The following FAM81A variants were observed in gnomAD, a reference collection of about 807,000 sequenced individuals.
The protein encoded by FAM81A is protein FAM81A.
Under a neutral mutation model 46.7 loss-of-function variants are expected in FAM81A, and 19 were observed. That is an observed-to-expected ratio of 0.41 (90% CI 0.28 to 0.60). The LOEUF is 0.60. FAM81A is among the 20% of genes least tolerant of loss of function. The pLI, the probability that FAM81A is intolerant of heterozygous loss-of-function variation, is 0.34. For synonymous variants in FAM81A, 183 were observed against 152.9 expected (o/e 1.20, Z -1.45); for missense variants, 377 against 453.5 (o/e 0.83, Z 1.53).
At chr15:59,439,302 G>A (rs1341353124) in intron 1 of FAM81A, among the ~76,000 whole-genome samples, 2 of 151,852 alleles carry the variant, frequency 1.3e-5, no homozygotes, top group Non-Finnish European at 1.5e-5. Context: ...GAGGTTTGTA[G>A]AGTAAATATA....
chr15:59,480,334 T>C (rs2141710820), intron 3 of FAM81A, among the ~76,000 whole-genome samples: 1 of 152,292 alleles, frequency 6.6e-6, no homozygotes, highest in East Asian at 1.9e-4. Context: ...CATGGAGAGC[T>C]GTTTCTTTCC....
At chr15:59,467,685 T>C (rs995932696) in intron 3 of FAM81A, among the ~76,000 whole-genome samples, 16 of 152,214 alleles carry the variant, frequency 1.1e-4, no homozygotes, top group Non-Finnish European at 2.2e-4. Flanking sequence ...CATTTTCTAA[T>C]TGAACACCCT....
At chr15:59,503,974 A>T (rs1258366838) in intron 4 of FAM81A, among the ~76,000 whole-genome samples, 4 of 152,182 alleles carry the variant, frequency 2.6e-5, no homozygotes, top group Non-Finnish European at 5.9e-5. Context: ...GCTTCAGAAT[A>T]CTTTTGAGAC....
chr15:59,463,765 C>G (rs868383337), intron 3 of FAM81A, among the ~76,000 whole-genome samples: 2 of 151,816 alleles, frequency 1.3e-5, no homozygotes, highest in Non-Finnish European at 2.9e-5. Flanking sequence ...ATTACTGTGT[C>G]TGATTGTTCA....
intron 1 of FAM81A, 111 bp from the exon 2 acceptor site, chr15:59,458,437 CTT>C (rs1386419824): frequency 4.6e-6 from 3 of 654,372 alleles, no homozygotes; most frequent in Non-Finnish European, 7.8e-6. Flanking sequence ...AATAATATAA[CTT>C]ATCAGTGTTT....
intron 3 of FAM81A, among the ~76,000 whole-genome samples, chr15:59,477,998 T>G (rs1406900997): frequency 3.3e-5 from 5 of 152,230 alleles, no homozygotes; most frequent in African/African-American, 1.2e-4. Context: ...TATACATGTC[T>G]GGGTTATCCA....
At chr15:59,406,254 A>G (rs2081094485) in intron 2 of FAM81A, among the ~76,000 whole-genome samples, 1 of 152,232 alleles carries the variant, frequency 6.6e-6, no homozygotes, top group African/African-American at 2.4e-5. Context: ...TTTCTAAGGT[A>G]AAATAAAATG....
chr15:59,432,563 G>A (rs1267819623), intron 2 of FAM81A, among the ~76,000 whole-genome samples: 3 of 152,188 alleles, frequency 2.0e-5, no homozygotes, highest in Non-Finnish European at 4.4e-5. Flanking sequence ...AGGCACAGCT[G>A]TGACATCAGA....
chr15:59,410,056 C>T (rs1325124991), intron 2 of FAM81A, among the ~76,000 whole-genome samples: 1 of 152,034 alleles, frequency 6.6e-6, no homozygotes, highest in Non-Finnish European at 1.5e-5. Flanking sequence ...AATCCCAAAA[C>T]TATGGGAGGC....
chr15:59,434,053 C>A (rs1428015335), upstream of FAM81A, among the ~76,000 whole-genome samples: 1 of 152,154 alleles, frequency 6.6e-6, no homozygotes, highest in Admixed American at 6.5e-5. Flanking sequence ...ACGGGTTTCG[C>A]CATGTTGGCC....
At chr15:59,421,757 A>G (rs556612233) in intron 2 of FAM81A, among the ~76,000 whole-genome samples, 1 of 150,008 alleles carries the variant, frequency 6.7e-6, no homozygotes, top group Non-Finnish European at 1.5e-5. Context: ...CTATCTATCT[A>G]TCTATCTATC....
intron 1 of FAM81A, chr15:59,401,789 G>A: frequency 1.4e-6 from 1 of 720,644 alleles, no homozygotes; most frequent in South Asian, 1.5e-5. Context: ...TTTTTTTGGT[G>A]TTTCTCTTTT....
chr15:59,409,600 T>C (rs937158845), intron 2 of FAM81A, among the ~76,000 whole-genome samples: 4 of 152,198 alleles, frequency 2.6e-5, no homozygotes, highest in Non-Finnish European at 5.9e-5. Flanking sequence ...CTGTCTTTTC[T>C]GTACAAGACA....
In FAM81A at chr15:59,507,288, A is replaced by G. The variant is rs1240410056; in HGVS notation, c.489A>G (p.Glu163=). Residue 163 remains glutamate, a synonymous_variant, in exon 5 of 9, where the codon GAA becomes GAG. Coordinates refer to ENST00000288228, the MANE Select transcript of FAM81A (RefSeq NM_152450.3). ...AGGGGCTCCAGCACTTGAACAAAGA[A>G]CAGCAGGCTGCCAAACTTATCTTGG... ...TYEGLQHLNK[E]QQAAKLILET... 3 of 1,612,386 alleles carry G rather than the reference A, an allele frequency of 1.9e-6. No individual in the cohort carries two copies. The highest frequency in any genetic ancestry group is 1.7e-6 in the Non-Finnish European group (2 of 1,179,234).
At chr15:59,465,991 G>T (rs1353225545) in intron 3 of FAM81A, among the ~76,000 whole-genome samples, 1 of 152,142 alleles carries the variant, frequency 6.6e-6, no homozygotes, top group East Asian at 1.9e-4. Flanking sequence ...AGTTTGCTGA[G>T]AATGATGGTT....
chr15:59,443,610 C>A (rs544075660), intron 1 of FAM81A, among the ~76,000 whole-genome samples: 1 of 152,138 alleles, frequency 6.6e-6, no homozygotes, highest in Non-Finnish European at 1.5e-5. Context: ...GTGTCCCTTT[C>A]AGTGCATTCC....
rs530982725 is a variant in FAM81A at position 59,519,347 on chromosome 15, C to T, written c.983-1907C>T. On this transcript the variant is annotated intron_variant, in intron 8 of 8. Transcript: ENST00000288228. ...GGGATTGTAGATGTGCACCACCAGG[C>T]CCAGCTAATTTTTGTATTTTTAGTA... 1.1e-3 allele frequency among the ~76,000 whole-genome samples: 166 copies of T among 152,008 alleles called. No individual in the cohort carries two copies. The Middle Eastern group carries it at 0.017, about 16-fold the overall frequency.
chr15:59,504,577 C>G (rs1396345652), intron 4 of FAM81A, among the ~76,000 whole-genome samples: 1 of 152,176 alleles, frequency 6.6e-6, no homozygotes, highest in African/African-American at 2.4e-5. Context: ...TATCCATTTA[C>G]TCACTATTGT....
At position 59,427,531 on chromosome 15, in the gene FAM81A, C is replaced by T. The variant is rs73432603; in HGVS notation, c.-78+25173C>T. ...TTCTGTTTTTTTAATACTCATTAACCATCCACACTGCCCCGCTAGGCCCCA... is the reference window on the plus strand; with the variant it reads ...TTCTGTTTTTTTAATACTCATTAACTATCCACACTGCCCCGCTAGGCCCCA... On this transcript the variant is annotated intron_variant, in intron 2 of 4. Transcript: ENST00000558348. 2.5e-3 allele frequency among the ~76,000 whole-genome samples: 383 copies of T among 152,126 alleles called. 1 individual carries two copies. The highest frequency in any genetic ancestry group is 9.0e-3 in the African/African-American group (372 of 41,500).
Sources: gnomAD v4.1 joint callset for allele counts (sites outside exome capture counted in the v4.1 genomes callset) on GRCh38, gnomAD v4.1.1 for gene constraint, MANE v1.5 for transcripts, NCBI Gene and HGNC (gene_info 2026-07-23, HGNC 2026-07-21) for gene names.